The following FLT4 variants were observed in gnomAD, a reference collection of about 807,000 sequenced individuals.
FLT4 encodes vascular endothelial growth factor receptor 3.
A neutral mutation model predicts 163.2 loss-of-function variants in FLT4; 30 were observed. That is an observed-to-expected ratio of 0.18 (90% CI 0.14 to 0.25). The LOEUF (loss-of-function observed/expected upper bound fraction) is 0.25. FLT4 is among the 10% of genes least tolerant of loss of function. The probability of loss-of-function intolerance (pLI) is 1.00; values close to 1 mark genes in which losing one functional copy is unlikely to be tolerated. For missense variants in FLT4, 1,510 were observed against 1,863.8 expected (o/e 0.81, Z 3.50); for synonymous variants, 884 against 789.5 (o/e 1.12, Z -2.01).
chr5:180,626,139 G>T lies in FLT4; in HGVS notation c.1230C>A (p.Arg410=). 1 of 1,612,866 alleles carries T rather than the reference G, an allele frequency of 6.2e-7. No homozygotes were observed. Among genetic ancestry groups the T allele is most frequent in the Non-Finnish European group, 8.5e-7 (1 of 1,180,014 alleles). Residue 410 remains arginine (R), a synonymous_variant, in exon 9 of 30, where the codon CGC becomes CGA. Transcript: ENST00000261937. Reference sequence around the variant, plus strand: ...TCACCACCAGCTCCAGGCTGATGTTGCGCCTCAGGCCAGCAGCGGAGTTCC... The same window carrying T: ...TCACCACCAGCTCCAGGCTGATGTTTCGCCTCAGGCCAGCAGCGGAGTTCC... ...ALWNSAAGLR[R]NISLELVVNV... is the part of the protein sequence containing the mutation.
chr5:180,606,479 C>T (rs1470177901), intron 29 of FLT4, among the ~76,000 whole-genome samples: 10 of 152,202 alleles, frequency 6.6e-5, no homozygotes, highest in African/African-American at 2.2e-4. Flanking sequence ...CAGGCTCAGC[C>T]GTGCGGGTCC....
chr5:180,637,741 G>A (rs193273359), intron 1 of FLT4, among the ~76,000 whole-genome samples: 121 of 152,272 alleles, frequency 7.9e-4, no homozygotes, highest in African/African-American at 2.8e-3. Flanking sequence ...TGTTGGTCAG[G>A]CTAGTCTCGA....
intron 24 of FLT4, chr5:180,613,693 T>C: frequency 2.7e-6 from 1 of 372,996 alleles, no homozygotes; most frequent in Non-Finnish European, 5.1e-6. Flanking sequence ...TGCCCTACCC[T>C]GGCCTGGAGA....
In FLT4 at chr5:180,601,561, T is replaced by A. The variant is rs2127780360; in HGVS notation, c.*1631A>T. 4.3e-6 allele frequency: 1 copy of A among 233,200 alleles called. No homozygotes were observed. The highest frequency in any genetic ancestry group is 6.0e-5 in the East Asian group (1 of 16,590). 14.4% of individuals were successfully genotyped at this position (233,200 alleles called of 1,614,324 possible). The stretch of plus-strand genomic sequence containing the variant: ...TTTATTATTATCTCTTGTTAAATAT[T>A]TTCGATCTTTTCTCAGAACATGGTC... On this transcript the variant is annotated 3_prime_UTR_variant, in exon 30 of 30. Transcript: ENST00000261937.
Position 180,603,336 on chromosome 5 carries a change from T to A in FLT4, c.3948A>T (p.Gln1316His). The change falls in exon 30 of 30, where the codon CAA becomes CAT. Residue 1316 changes from glutamine to histidine, a missense_variant. Gln to His is a conservative substitution (Grantham distance 24, BLOSUM62 0). Around this residue, in one of 5 missense-constraint regions of FLT4, gnomAD observed 295 missense variants for 311.0 expected, o/e 0.95. Coordinates refer to ENST00000261937, the MANE Select transcript of FLT4 (RefSeq NM_182925.5). Reference sequence around the variant, plus strand: ...CCCGCTCAGGCCGCCGCCGCCTCCCTTGGGAGTCAGGGTGTGCCCTGGTCA... The same window carrying A: ...CCCGCTCAGGCCGCCGCCGCCTCCCATGGGAGTCAGGGTGTGCCCTGGTCA... ...VAVTRAHPDS[Q>H]GRRRRPERGA... 1 of 1,614,032 alleles carries A rather than the reference T, an allele frequency of 6.2e-7. No individual in the cohort carries two copies. The highest frequency in any genetic ancestry group is 8.5e-7 in the Non-Finnish European group (1 of 1,179,974).
Position 180,622,931 on chromosome 5 carries a change from C to A in FLT4, c.1549-92G>T, listed in dbSNP as rs1007973263. 26 of 792,952 alleles carry A rather than the reference C, an allele frequency of 3.3e-5. 1 individual carries two copies. Among genetic ancestry groups the A allele is most frequent in the South Asian group, 1.9e-4 (13 of 69,024 alleles). The allele number at this position is 792,952 out of a possible 1,614,324, so 49.1% of individuals were successfully genotyped here. The stretch of plus-strand genomic sequence containing the variant: ...TGCAAGGAGGTCGCTGTGCACCACC[C>A]CCCCCAATCATGGGGGAAACTGAGG... On this transcript the variant is annotated intron_variant, in intron 11 of 29. Transcript: ENST00000261937.
chr5:180,620,456 C>T lies in FLT4; in HGVS notation c.2407-148G>A, dbSNP rs1763038144. On this transcript the variant is annotated intron_variant, in intron 16 of 29. Transcript: ENST00000261937. The surrounding 1 kb of genome is among the most constrained non-coding windows in gnomAD (Gnocchi z 4.4). ...CAGAAAAAAAGACAGACAACCTCTGCGGGGTTGGAGCCCAGCGTGAAGGGC... is the reference window on the plus strand; with the variant it reads ...CAGAAAAAAAGACAGACAACCTCTGTGGGGTTGGAGCCCAGCGTGAAGGGC... The T allele has an allele frequency of 3.2e-6, 4 of 1,257,564 alleles. No homozygotes were observed. Among genetic ancestry groups the T allele is most frequent in the Admixed American group, 1.8e-5 (1 of 55,730 alleles). The allele number at this position is 1,257,564 out of a possible 1,614,324, so 77.9% of individuals were successfully genotyped here.
intron 1 of FLT4, among the ~76,000 whole-genome samples, chr5:180,639,924 C>T (rs567882331): frequency 8.7e-4 from 132 of 152,348 alleles, no homozygotes; most frequent in African/African-American, 3.0e-3. Context: ...CCTGAGGCCC[C>T]GCAAAGCCCT....
In FLT4 at chr5:180,620,584, A is replaced by C. The variant is rs143420734; in HGVS notation, c.2406+25T>G. ...GTGGGGAAGGCCTGAGAGAGACTCC[A>C]TCAGGAGCGGGGAGGGACACTCACC... On this transcript the variant is annotated intron_variant, in intron 16 of 29. Transcript: ENST00000261937. This position sits in a 1 kb window ranked among gnomAD's most constrained non-coding sequence, Gnocchi z 4.4. The C allele has an allele frequency of 1.3e-6, 2 of 1,529,500 alleles. No homozygotes were observed. Among genetic ancestry groups the C allele is most frequent in the South Asian group, 2.2e-5 (2 of 89,402 alleles). 94.7% of individuals were successfully genotyped at this position (1,529,500 alleles called of 1,614,324 possible).
chr5:180,611,014 G>T (rs984590129), intron 27 of FLT4, among the ~76,000 whole-genome samples: 1 of 152,100 alleles, frequency 6.6e-6, no homozygotes. Flanking sequence ...CCGAGATCGC[G>T]CCACTGCACT....
At chr5:180,618,970 G>T in intron 20 of FLT4, 50 bp from the exon 21 acceptor site, 1 of 1,555,942 alleles carries the variant, frequency 6.4e-7, no homozygotes, top group Non-Finnish European at 8.7e-7. Flanking sequence ...CCGCCGCAGA[G>T]GCGCCTCCAT....
intron 29 of FLT4, among the ~76,000 whole-genome samples, chr5:180,605,303 T>C (rs555467099): frequency 2.0e-5 from 3 of 152,328 alleles, no homozygotes; most frequent in African/African-American, 7.2e-5. Context: ...GAATTTAGTC[T>C]GCTGTCAGTT....
At chr5:180,618,604 C>T (rs72818906) in intron 21 of FLT4, among the ~76,000 whole-genome samples, 166 bp downstream of exon 21, 5,243 of 152,340 alleles carry the variant, frequency 0.034, 145 homozygotes, top group East Asian at 0.087. Flanking sequence ...AATCGTAAAA[C>T]ATCTGTGTGA....
Position 180,621,658 on chromosome 5 carries a change from G to C in FLT4, c.1904C>G (p.Thr635Arg), listed in dbSNP as rs753863393. 1.2e-6 allele frequency: 2 copies of C among 1,609,358 alleles called. No homozygotes were observed. Among genetic ancestry groups the C allele is most frequent in the South Asian group, 1.1e-5 (1 of 90,962 alleles). The change falls in exon 13 of 30, where the codon ACG becomes AGG. Residue 635 changes from threonine (T) to arginine (R), a missense_variant. Transcript: ENST00000261937. ...EEVAPGARHA[T>R]LSLSIPRVAP... ...GACGCGGGGGATACTCAGGCTGAGC[G>C]TGGCGTGGCGCGCCCCAGGTGCCAC...
rs1466097174 is a variant in FLT4, at chr5:180,630,404, G to A, written c.401-67C>T. On this transcript the variant is annotated intron_variant, in intron 3 of 29. Transcript: ENST00000261937. The surrounding 1 kb of genome is among the most constrained non-coding windows in gnomAD (Gnocchi z 6.3). ...CCAGGCTGGGGGAGGGCTCCACGGG[G>A]CTGGGTGGTGCTGGTCCTGAACCAG... The A allele has an allele frequency of 1.9e-6, 3 of 1,545,802 alleles. No homozygotes were observed. The highest frequency in any genetic ancestry group is 2.6e-6 in the Non-Finnish European group (3 of 1,132,222).
chr5:180,644,314 G>A (rs1472070120), intron 1 of FLT4, among the ~76,000 whole-genome samples: 1 of 152,262 alleles, frequency 6.6e-6, no homozygotes, highest in East Asian at 1.9e-4. Flanking sequence ...TGGAGAGGCT[G>A]TGCACGGAGG....
rs367885321 is a variant in FLT4 at position 180,629,925 on chromosome 5, G to A, written c.676+18C>T. On this transcript the variant is annotated intron_variant, in intron 5 of 29. Transcript: ENST00000261937. The stretch of plus-strand genomic sequence containing the variant: ...CAGTGACAGCCCCGTTACTGGGAAC[G>A]GGGCACAGCCCTGTTACCTGTGATG... 415 of 1,612,386 alleles carry A rather than the reference G, an allele frequency of 2.6e-4. 1 individual carries two copies. Among genetic ancestry groups the A allele is most frequent in the South Asian group, 4.9e-4 (45 of 91,060 alleles).
intron 1 of FLT4, among the ~76,000 whole-genome samples, chr5:180,648,929 G>T (rs1032181878): frequency 6.6e-6 from 1 of 152,188 alleles, no homozygotes. Flanking sequence ...GCACCCGTCC[G>T]CCTCGGGCGC....
chr5:180,627,050 A>G (rs1189708095), intron 8 of FLT4, among the ~76,000 whole-genome samples: 3 of 152,034 alleles, frequency 2.0e-5, no homozygotes, highest in Non-Finnish European at 4.4e-5. Flanking sequence ...AGATGCCTAC[A>G]TGTCTGCTGC....
Sources: gnomAD v4.1 joint callset for allele counts (sites outside exome capture counted in the v4.1 genomes callset) on GRCh38, gnomAD v4.1.1 for gene constraint, gnomAD v4.1.1 regional missense constraint, Gnocchi (gnomAD v3.1) non-coding constraint, MANE v1.5 for transcripts, NCBI Gene and HGNC (gene_info 2026-07-23, HGNC 2026-07-21) for gene names.